The following MOB3B variants were observed in gnomAD, a reference collection of about 807,000 sequenced individuals.
MOB3B encodes the protein MOB kinase activator 3B.
In MOB3B, 7 loss-of-function variants were observed where a neutral mutation model predicts 18.7. The ratio of observed to expected loss-of-function variants is 0.37; its 90% CI spans 0.21 to 0.70. The LOEUF (loss-of-function observed/expected upper bound fraction) is 0.70, where lower values mean the gene tolerates loss of function less well. Among genes scored for constraint, MOB3B ranks in the 30% least tolerant of loss-of-function variants. MOB3B has a pLI of 0.52. For synonymous variants in MOB3B, 111 were observed against 99.9 expected (o/e 1.11, Z -0.66); for missense variants, 253 against 281.3 (o/e 0.90, Z 0.72).
chr9:27,366,388 C>T (rs1010486849), intron 2 of MOB3B, among the ~76,000 whole-genome samples: 3 of 152,108 alleles, frequency 2.0e-5, no homozygotes, highest in African/African-American at 7.2e-5. Flanking sequence ...CACTTCAACC[C>T]ATTTTTCTTT....
At chr9:27,406,186 A>G (rs915830778) in intron 2 of MOB3B, among the ~76,000 whole-genome samples, 5 of 152,198 alleles carry the variant, frequency 3.3e-5, no homozygotes, top group Admixed American at 3.3e-4. Context: ...TAATGACTCC[A>G]CCAAAAAACT....
At chr9:27,525,662 T>C (rs62538061) in intron 1 of MOB3B, among the ~76,000 whole-genome samples, 27,576 of 152,130 alleles carry the variant, frequency 0.18, 3,145 homozygotes, top group Non-Finnish European at 0.24. Flanking sequence ...ATGTATATTG[T>C]TTGATTCCTA....
At chr9:27,496,356 GCCCAAACGTGAT>G (rs1819899303) in intron 1 of MOB3B, among the ~76,000 whole-genome samples, 1 of 152,198 alleles carries the variant, frequency 6.6e-6, no homozygotes, top group Non-Finnish European at 1.5e-5. Context: ...GGAAGCACTT[GCCCAAACGTGAT>G]CTATTTACAT....
intron 1 of MOB3B, among the ~76,000 whole-genome samples, chr9:27,518,161 T>C (rs1320718643): frequency 1.3e-5 from 2 of 152,226 alleles, no homozygotes; most frequent in African/African-American, 2.4e-5. Context: ...TATGACCACA[T>C]GCAAGCTGAT....
At chr9:27,524,651 T>C (rs746556552) in intron 1 of MOB3B, 35 of 1,613,836 alleles carry the variant, frequency 2.2e-5, no homozygotes, top group African/African-American at 2.7e-5. Flanking sequence ...CCTTCAAATA[T>C]TGGAAAGAGA....
At chr9:27,385,325 C>G (rs1025777442) in intron 2 of MOB3B, among the ~76,000 whole-genome samples, 8 of 152,172 alleles carry the variant, frequency 5.3e-5, no homozygotes, top group African/African-American at 1.9e-4. Context: ...TTGAGCACTT[C>G]CAAGTGTCAG....
At chr9:27,388,934 G>T (rs898398920) in intron 2 of MOB3B, among the ~76,000 whole-genome samples, 1 of 152,030 alleles carries the variant, frequency 6.6e-6, no homozygotes, top group Middle Eastern at 3.4e-3. Flanking sequence ...CACTGCCCTC[G>T]CCTGACCACT....
chr9:27,433,033 A>G (rs953635128), intron 2 of MOB3B, among the ~76,000 whole-genome samples: 2 of 152,084 alleles, frequency 1.3e-5, no homozygotes, highest in African/African-American at 4.8e-5. Flanking sequence ...AAGAAAATCA[A>G]CATCTTTATT....
At chr9:27,337,261 TTCGTCTCACAAATTCCAC>T (rs1446419124) in intron 3 of MOB3B, among the ~76,000 whole-genome samples, 2 of 152,256 alleles carry the variant, frequency 1.3e-5, no homozygotes, top group Admixed American at 1.3e-4. Flanking sequence ...CTGGAAGCCT[TTCGTCTCACAAATTCCAC>T]TTCTTAGAGA....
intron 1 of MOB3B, among the ~76,000 whole-genome samples, chr9:27,473,042 T>C (rs1342410650): frequency 1.3e-5 from 2 of 152,222 alleles, no homozygotes; most frequent in African/African-American, 4.8e-5. Context: ...TCAGAGATTT[T>C]AAGTGATTAC....
chr9:27,342,077 T>C (rs1265336024), intron 3 of MOB3B, among the ~76,000 whole-genome samples: 2 of 152,208 alleles, frequency 1.3e-5, no homozygotes, highest in Non-Finnish European at 2.9e-5. Context: ...CACCCATTTA[T>C]GGATGAATGC....
intron 1 of MOB3B, among the ~76,000 whole-genome samples, chr9:27,465,264 G>A (rs1045601757): frequency 6.6e-6 from 1 of 152,108 alleles, no homozygotes; most frequent in East Asian, 1.9e-4. Context: ...GGGTTACAGG[G>A]CCCATGCAAG....
chr9:27,470,440 A>C (rs555242976), intron 1 of MOB3B, among the ~76,000 whole-genome samples: 42 of 152,244 alleles, frequency 2.8e-4, no homozygotes, highest in Non-Finnish European at 5.3e-4. Flanking sequence ...TCAGTGGCTA[A>C]ATCCCTGCCC....
chr9:27,506,365 G>A (rs1820059181), intron 1 of MOB3B, among the ~76,000 whole-genome samples: 1 of 152,038 alleles, frequency 6.6e-6, no homozygotes, highest in African/African-American at 2.4e-5. Context: ...AGAGAACCAG[G>A]TAATTTGCCA....
At chr9:27,476,784 T>C (rs1276484799) in intron 1 of MOB3B, among the ~76,000 whole-genome samples, 3 of 152,244 alleles carry the variant, frequency 2.0e-5, no homozygotes, top group Non-Finnish European at 2.9e-5. Context: ...TGCTGTGCTC[T>C]GAAATCCATC....
intron 2 of MOB3B, among the ~76,000 whole-genome samples, chr9:27,450,353 A>C (rs1329199394): frequency 6.6e-6 from 1 of 152,194 alleles, no homozygotes; most frequent in Non-Finnish European, 1.5e-5. Flanking sequence ...TTGAAAGAAT[A>C]AATTAATAAT....
intron 2 of MOB3B, among the ~76,000 whole-genome samples, chr9:27,423,056 G>A (rs1020436462): frequency 6.6e-6 from 1 of 152,130 alleles, no homozygotes; most frequent in Non-Finnish European, 1.5e-5. Flanking sequence ...TCCACATGGA[G>A]AGCCAGAAAG....
chr9:27,508,653 C>T (rs1038618879), intron 1 of MOB3B, among the ~76,000 whole-genome samples: 2 of 152,044 alleles, frequency 1.3e-5, no homozygotes, highest in East Asian at 1.9e-4. Context: ...GTGTCAGATA[C>T]CCCTAATAAA....
chr9:27,455,980 C>T (rs1262202046), intron 1 of MOB3B, among the ~76,000 whole-genome samples: 2 of 152,196 alleles, frequency 1.3e-5, no homozygotes, highest in African/African-American at 4.8e-5. Flanking sequence ...TTTGTCAAAT[C>T]TCTACTGGCT....
Sources: gnomAD v4.1 joint callset for allele counts (sites outside exome capture counted in the v4.1 genomes callset) on GRCh38, gnomAD v4.1.1 for gene constraint, MANE v1.5 for transcripts, NCBI Gene and HGNC (gene_info 2026-07-23, HGNC 2026-07-21) for gene names.